The following ZSWIM4 variants were observed in gnomAD, a reference collection of about 807,000 sequenced individuals.
ZSWIM4 encodes the protein zinc finger SWIM domain-containing protein 4.
A neutral mutation model predicts 102.5 loss-of-function variants in ZSWIM4; 62 were observed. The observed-to-expected ratio is 0.60, with a 90% CI of 0.49 to 0.75. The LOEUF is 0.75. Among genes scored for constraint, ZSWIM4 ranks in the 30% least tolerant of loss-of-function variants. The probability of loss-of-function intolerance (pLI) is 0.00; values close to 1 mark genes in which losing one functional copy is unlikely to be tolerated. For synonymous variants in ZSWIM4, 652 were observed against 674.5 expected (o/e 0.97, Z 0.52); for missense variants, 1,280 against 1,529.6 (o/e 0.84, Z 2.72).
At chr19:13,800,116 G>A (rs1213666235) in intron 2 of ZSWIM4, among the ~76,000 whole-genome samples, 195 bp downstream of exon 2, 3 of 141,910 alleles carry the variant, frequency 2.1e-5, no homozygotes, top group Non-Finnish European at 4.5e-5. Flanking sequence ...GGCCCAGGCC[G>A]GAGTGCAGTG....
chr19:13,799,188 C>G (rs1599576573), intron 1 of ZSWIM4, among the ~76,000 whole-genome samples: 1 of 152,004 alleles, frequency 6.6e-6, no homozygotes, highest in East Asian at 1.9e-4. Flanking sequence ...TCAAGTGACC[C>G]TCCTGCCCCA....
intron 10 of ZSWIM4, among the ~76,000 whole-genome samples, chr19:13,819,728 G>A (rs943596542): frequency 6.6e-6 from 1 of 151,898 alleles, no homozygotes; most frequent in African/African-American, 2.4e-5. Context: ...GAGTGCAGTG[G>A]CGCGATCTCA....
Position 13,832,230 on chromosome 19 carries a change from C to CAAAAAAAAAAAAAAAAAAAAAAAA in ZSWIM4, c.*1181_*1204dup, listed in dbSNP as rs34724629. ...CACACCCTCAACCTCGTTTCCTCCG[C>CAAAAAAAAAAAAAAAAAAAAAAAA]AAAAAAAAAAAAAAAAAAAAAAAAT... On this transcript the variant is annotated 3_prime_UTR_variant, in exon 14 of 14. Transcript: ENST00000590508. 2 of 55,280 alleles carry CAAAAAAAAAAAAAAAAAAAAAAAA rather than the reference C, an allele frequency of 3.6e-5. No individual in the cohort carries two copies. The highest frequency in any genetic ancestry group is 1.5e-4 in the African/African-American group (2 of 13,690). The allele number at this position is 55,280 out of a possible 1,614,324, so 3.4% of individuals were successfully genotyped here.
intron 3 of ZSWIM4, among the ~76,000 whole-genome samples, chr19:13,807,440 G>A (rs1974947242): frequency 6.6e-6 from 1 of 152,002 alleles, no homozygotes; most frequent in Non-Finnish European, 1.5e-5. Flanking sequence ...GAGTGGGATG[G>A]GTAAATGGAT....
chr19:13,804,686 C>T lies in ZSWIM4; in HGVS notation c.356-106C>T. On this transcript the variant is annotated intron_variant, in intron 2 of 13. Coordinates refer to ENST00000590508, the MANE Select transcript of ZSWIM4 (RefSeq NM_001367834.3). ...TGCAAAGTGAGTGAGGTGACTTGTG[C>T]TAGTGAAGTGACTCGGCTGGGCTTT... 4 of 844,894 alleles carry T rather than the reference C, an allele frequency of 4.7e-6. No individual in the cohort carries two copies. In the East Asian group the frequency reaches 7.4e-5, roughly 16 times the overall value. The allele number at this position is 844,894 out of a possible 1,614,324, so 52.3% of individuals were successfully genotyped here.
At position 13,813,178 on chromosome 19, in the gene ZSWIM4, G is replaced by T; in HGVS notation, c.1180+14G>T. Reference sequence around the variant, plus strand: ...CCCCCGCCCCAGGTAGGAGAGAGGGGTCTTTACCATGCCCCCCAAAAACCA... The same window carrying T: ...CCCCCGCCCCAGGTAGGAGAGAGGGTTCTTTACCATGCCCCCCAAAAACCA... On this transcript the variant is annotated intron_variant, in intron 6 of 13. Transcript: ENST00000590508. 3 of 1,597,172 alleles carry T rather than the reference G, an allele frequency of 1.9e-6. No individual in the cohort carries two copies. The highest frequency in any genetic ancestry group is 1.7e-6 in the Non-Finnish European group (2 of 1,168,686).
intron 10 of ZSWIM4, among the ~76,000 whole-genome samples, chr19:13,819,916 C>T (rs943524465): frequency 7.3e-5 from 11 of 151,262 alleles, no homozygotes; most frequent in Non-Finnish European, 1.5e-4. Context: ...CGATCTCGGC[C>T]CACTCCCAGG....
chr19:13,819,918 A>C (rs1599608356), intron 10 of ZSWIM4, among the ~76,000 whole-genome samples: 1 of 143,826 alleles, frequency 7.0e-6, no homozygotes. Flanking sequence ...ATCTCGGCCC[A>C]CTCCCAGGGC....
At position 13,828,661 on chromosome 19, in the gene ZSWIM4, T is replaced by C. The variant is rs2099478318; in HGVS notation, c.2396T>C (p.Leu799Pro). 3 of 1,614,086 alleles carry C rather than the reference T, an allele frequency of 1.9e-6. No individual in the cohort carries two copies. Among genetic ancestry groups the C allele is most frequent in the Non-Finnish European group, 2.5e-6 (3 of 1,179,988 alleles). ...ELGLQVMRMTLNVMTWRRREM... is the reference protein window; with the variant it reads ...ELGLQVMRMTPNVMTWRRREM... ...ACCTTGCAGGTGATGCGGATGACTC[T>C]GAACGTAATGACCTGGCGGCGGAGG... The change falls in exon 13 of 14, where the codon CTG (leucine) becomes CCG (proline). Residue 799 changes from leucine to proline, a missense_variant. Coordinates refer to ENST00000590508, the MANE Select transcript of ZSWIM4 (RefSeq NM_001367834.3).
At chr19:13,816,976 G>A (rs553860778) in intron 7 of ZSWIM4, among the ~76,000 whole-genome samples, 14 of 152,252 alleles carry the variant, frequency 9.2e-5, no homozygotes, top group Admixed American at 4.6e-4. Context: ...TTGGGAGGCC[G>A]AAGCAGGAGG....
Position 13,832,019 on chromosome 19 carries a change from C to T in ZSWIM4, c.*969C>T, listed in dbSNP as rs570104287. The T allele has an allele frequency of 2.7e-5, 4 of 150,776 alleles. No individual in the cohort carries two copies. The highest frequency in any genetic ancestry group is 2.0e-4 in the Admixed American group (3 of 15,088). The allele number at this position is 150,776 out of a possible 1,614,324, so 9.3% of individuals were successfully genotyped here. A position where few individuals can be genotyped will look rare whatever the true frequency, so the allele number is the denominator to read the frequency against. On this transcript the variant is annotated 3_prime_UTR_variant, in exon 14 of 14. Transcript: ENST00000590508. The stretch of plus-strand genomic sequence containing the variant: ...GAGGAGAAGGGAGAACATCACCCCC[C>T]CAAGTCACCCCCACATCTTTTCCCT...
intron 7 of ZSWIM4, among the ~76,000 whole-genome samples, chr19:13,816,024 C>G (rs1975275238): frequency 9.9e-5 from 10 of 100,714 alleles, no homozygotes; most frequent in South Asian, 3.1e-4. Flanking sequence ...GAGGGAGGGA[C>G]AGAGAGAGAT....
At chr19:13,823,225 T>A in intron 10 of ZSWIM4, 121 bp from the exon 11 acceptor site, 1 of 965,760 alleles carries the variant, frequency 1.0e-6, no homozygotes, top group African/African-American at 1.6e-5. Context: ...TTCCATCATC[T>A]TGGGCTCTCA....
At chr19:13,827,601 A>AG (rs1364061371) in intron 12 of ZSWIM4, among the ~76,000 whole-genome samples, 3 of 150,870 alleles carry the variant, frequency 2.0e-5, no homozygotes, top group African/African-American at 4.9e-5. Context: ...AAAAAAAAAA[A>AG]AAAAAAGAAA....
intron 3 of ZSWIM4, 133 bp from the exon 4 acceptor site, chr19:13,808,703 C>A: frequency 2.1e-6 from 2 of 943,502 alleles, no homozygotes; most frequent in Non-Finnish European, 3.0e-6. Context: ...CGTGCTACAG[C>A]ACTCCAGCCT....
chr19:13,795,888 C>T (rs1974598532), intron 1 of ZSWIM4, 87 bp downstream of exon 1: 3 of 899,702 alleles, frequency 3.3e-6, no homozygotes, highest in African/African-American at 1.8e-5. Flanking sequence ...TCCCCAGACT[C>T]CAGAGCTAAC....
rs1975586065 is a variant in ZSWIM4 at position 13,825,628 on chromosome 19, C to T, written c.2294C>T (p.Ala765Val). The change falls in exon 12 of 14, where the codon GCG (alanine) becomes GTG (valine). Residue 765 changes from alanine to valine, a missense_variant. Ala to Val is a moderately conservative substitution (Grantham distance 64). Transcript: ENST00000590508. This position sits in a 1 kb window ranked among gnomAD's most constrained non-coding sequence, Gnocchi z 4.6. ...IHSPALLFKL[A>V]QDACKTATPV... is the part of the protein sequence containing the mutation. ...TCTCCGGCCCTGCTCTTTAAGCTGG[C>T]GCAGGACGCCTGCAAGACAGCCACC... 6.2e-7 allele frequency: 1 copy of T among 1,614,092 alleles called. No individual in the cohort carries two copies. Among genetic ancestry groups the T allele is most frequent in the South Asian group, 1.1e-5 (1 of 91,088 alleles).
intron 1 of ZSWIM4, among the ~76,000 whole-genome samples, chr19:13,796,166 CTT>C (rs1282014899): frequency 2.0e-5 from 3 of 150,954 alleles, no homozygotes; most frequent in African/African-American, 4.9e-5. Context: ...CGGTACCCCT[CTT>C]TTCCCACCTT....
chr19:13,826,670 C>A (rs1345278452), intron 12 of ZSWIM4, among the ~76,000 whole-genome samples: 1 of 152,078 alleles, frequency 6.6e-6, no homozygotes, highest in African/African-American at 2.4e-5. Context: ...GAGGTTGAGG[C>A]AAGAGAATCG....
Sources: gnomAD v4.1 joint callset for allele counts (sites outside exome capture counted in the v4.1 genomes callset) on GRCh38, gnomAD v4.1.1 for gene constraint, Gnocchi (gnomAD v3.1) non-coding constraint, MANE v1.5 for transcripts, NCBI Gene and HGNC (gene_info 2026-07-23, HGNC 2026-07-21) for gene names.